Variants in HSD17B1 observed in about 807,000 individuals in gnomAD.
HSD17B1 encodes hydroxysteroid 17-beta dehydrogenase 1, also known as 17-beta-hydroxysteroid dehydrogenase type 1.
In HSD17B1, 16 loss-of-function variants were observed where a neutral mutation model predicts 22.7. That is an observed-to-expected ratio of 0.71 (90% CI 0.48 to 1.07). HSD17B1 has a LOEUF of 1.07. HSD17B1 is among the 50% of genes least tolerant of loss of function. The pLI is 0.00. For missense variants in HSD17B1, 533 were observed against 459.9 expected (o/e 1.16, Z -1.45); for synonymous variants, 243 against 211.0 (o/e 1.15, Z -1.31).
Position 42,554,998 on chromosome 17 carries a change from T to C in HSD17B1, c.*60T>C, listed in dbSNP as rs2092958775. 2.1e-6 allele frequency: 3 copies of C among 1,412,744 alleles called. No individual in the cohort carries two copies. The highest frequency in any genetic ancestry group is 2.8e-6 in the Non-Finnish European group (3 of 1,090,400). 87.5% of individuals were successfully genotyped at this position (1,412,744 alleles called of 1,614,324 possible). On this transcript the variant is annotated 3_prime_UTR_variant, in exon 6 of 6. Coordinates refer to ENST00000585807, the MANE Select transcript of HSD17B1 (RefSeq NM_000413.4). Reference sequence around the variant, plus strand: ...TTGTCCCCTGGGTCTGTGTGGTCCCTGGGGATGGGGCGGCGGTAGCAGCTG... The same window carrying C: ...TTGTCCCCTGGGTCTGTGTGGTCCCCGGGGATGGGGCGGCGGTAGCAGCTG...
At position 42,553,492 on chromosome 17, in the gene HSD17B1, G is replaced by C; in HGVS notation, c.319G>C (p.Ala107Pro). The change falls in exon 3 of 6, where the codon GCC becomes CCC. Residue 107 changes from alanine to proline, a missense_variant. Ala to Pro is a conservative substitution (Grantham distance 27). Transcript: ENST00000585807. The part of the protein sequence containing the change: ...LGPLEALGED[A>P]VASVLDVNVV... ...GCCGCTGGAGGCGCTGGGGGAGGAC[G>C]CCGTGGCCTCTGTGCTGGACGTGAA... The C allele has an allele frequency of 6.2e-7, 1 of 1,613,822 alleles. No individual in the cohort carries two copies. The highest frequency in any genetic ancestry group is 8.5e-7 in the Non-Finnish European group (1 of 1,179,906).
chr17:42,555,084 G>A lies in HSD17B1; in HGVS notation c.*146G>A. The stretch of plus-strand genomic sequence containing the variant: ...TTTACCAGCGCAGCTAGGCGCGATG[G>A]CTGTCGCCTGTAATGCCAGCGCTTT... On this transcript the variant is annotated 3_prime_UTR_variant, in exon 6 of 6. Transcript: ENST00000585807. The A allele has an allele frequency of 1.2e-5, 16 of 1,366,960 alleles. 1 individual carries two copies. The highest frequency in any genetic ancestry group is 1.4e-5 in the Non-Finnish European group (15 of 1,064,692). The allele number at this position is 1,366,960 out of a possible 1,614,324, so 84.7% of individuals were successfully genotyped here. A position where few individuals can be genotyped will look rare whatever the true frequency, so the allele number is the denominator to read the frequency against.
chr17:42,553,333 C>T (rs774006992), intron 2 of HSD17B1, 42 bp downstream of exon 2: 17 of 1,602,076 alleles, frequency 1.1e-5, no homozygotes, highest in South Asian at 5.5e-5. Context: ...GAGCCTTCTC[C>T]GCCCTGCGTT....
In HSD17B1 at chr17:42,553,295, A is replaced by AG; in HGVS notation, c.265+5dup. The AG allele has an allele frequency of 6.2e-7, 1 of 1,606,570 alleles. No individual in the cohort carries two copies. Among genetic ancestry groups the AG allele is most frequent in the Non-Finnish European group, 8.5e-7 (1 of 1,179,744 alleles). ...GAGGGCCGCGTGGACGTGCTGGGTG[A>AG]GCCTCCTGGAAGCATATGGGCTCCT... On this transcript the variant is annotated splice_donor_region_variant and intron_variant, in intron 2 of 5. Coordinates refer to ENST00000585807, the MANE Select transcript of HSD17B1 (RefSeq NM_000413.4).
At position 42,553,275 on chromosome 17, in the gene HSD17B1, C is replaced by T; in HGVS notation, c.249C>T (p.Gly83=). 1 of 1,609,330 alleles carries T rather than the reference C, an allele frequency of 6.2e-7. No homozygotes were observed. The highest frequency in any genetic ancestry group is 8.5e-7 in the Non-Finnish European group (1 of 1,179,882). Residue 83 remains glycine, a synonymous_variant, in exon 2 of 6, where the codon GGC becomes GGT. Transcript: ENST00000585807. The part of the protein sequence containing the change: ...VAAARERVTE[G]RVDVLVCNAG... ...CTGCCCGGGAACGCGTGACTGAGGG[C>T]CGCGTGGACGTGCTGGGTGAGCCTC...
Position 42,554,324 on chromosome 17 carries a change from G to A in HSD17B1, c.540-81G>A. The A allele has an allele frequency of 2.0e-6, 3 of 1,470,362 alleles. No homozygotes were observed. The South Asian group carries it at 4.0e-5, about 19-fold the overall frequency. The allele number at this position is 1,470,362 out of a possible 1,614,324, so 91.1% of individuals were successfully genotyped here. ...CGCGGTCGGGGGCCGGGACGTGGTT[G>A]GGGCTGGGACTGGGGTTGGGGCTGG... On this transcript the variant is annotated intron_variant, in intron 4 of 5. Coordinates refer to ENST00000585807, the MANE Select transcript of HSD17B1 (RefSeq NM_000413.4).
Position 42,554,891 on chromosome 17 carries a change from G to A in HSD17B1, c.940G>A (p.Ala314Thr). 6.5e-7 allele frequency: 1 copy of A among 1,535,780 alleles called. No homozygotes were observed. The highest frequency in any genetic ancestry group is 8.7e-7 in the Non-Finnish European group (1 of 1,149,470). Residue 314 changes from alanine to threonine, a missense_variant, in exon 6 of 6, where the codon GCG becomes ACG. Transcript: ENST00000585807. ...GGCAGAGGACGAGGCCGGGCGCGGT[G>A]CGGTGGGGGACCCTGAGCTCGGCGA... ...PGAEDEAGRG[A>T]VGDPELGDPP...
chr17:42,553,498 G>T lies in HSD17B1; in HGVS notation c.325G>T (p.Ala109Ser). ...GGAGGCGCTGGGGGAGGACGCCGTGGCCTCTGTGCTGGACGTGAATGTAGT... is the reference window on the plus strand; with the variant it reads ...GGAGGCGCTGGGGGAGGACGCCGTGTCCTCTGTGCTGGACGTGAATGTAGT... ...PLEALGEDAV[A>S]SVLDVNVVGT... Residue 109 changes from alanine to serine, a missense_variant, in exon 3 of 6, where the codon GCC becomes TCC. By Grantham distance (99) the Ala-to-Ser change is moderately conservative (BLOSUM62 1). Transcript: ENST00000585807. The T allele has an allele frequency of 6.2e-7, 1 of 1,613,942 alleles. No homozygotes were observed. The highest frequency in any genetic ancestry group is 8.5e-7 in the Non-Finnish European group (1 of 1,179,940).
Position 42,554,833 on chromosome 17 carries a change from TGGGGCCGAGGCTGGGGGC to T in HSD17B1, c.890_907del (p.Glu297_Ala302del). 6.3e-7 allele frequency: 1 copy of T among 1,595,314 alleles called. No individual in the cohort carries two copies. The highest frequency in any genetic ancestry group is 2.2e-5 in the East Asian group (1 of 44,724). Reference sequence around the variant, plus strand: ...GCGACGTTCCGGCAAAGGCCGAGGCTGGGGCCGAGGCTGGGGGCGGGGCCGGGCCTGGGGCAGAGGACG... The same window carrying T: ...GCGACGTTCCGGCAAAGGCCGAGGCTGGGGCCGGGCCTGGGGCAGAGGACG... On this transcript the variant is annotated inframe_deletion, in exon 6 of 6. Coordinates refer to ENST00000585807, the MANE Select transcript of HSD17B1 (RefSeq NM_000413.4).
At position 42,553,399 on chromosome 17, in the gene HSD17B1, T is replaced by G. The variant is rs971399247; in HGVS notation, c.266-40T>G. ...ACGAGGGGACAGGCCGTGCTGAGGG[T>G]GATGCTGAGGCGGGCTGGTCGGGCC... On this transcript the variant is annotated intron_variant, in intron 2 of 5. Coordinates refer to ENST00000585807, the MANE Select transcript of HSD17B1 (RefSeq NM_000413.4). The G allele has an allele frequency of 2.5e-6, 4 of 1,607,858 alleles. No individual in the cohort carries two copies. The African/African-American group carries it at 5.3e-5, about 21-fold the overall frequency.
In HSD17B1 at chr17:42,553,741, C is replaced by T. The variant is rs911886629; in HGVS notation, c.446-53C>T. The T allele has an allele frequency of 3.8e-6, 6 of 1,593,934 alleles. No homozygotes were observed. The South Asian group carries it at 6.7e-5, about 18-fold the overall frequency. ...TCAGCTTGGAGGGGCACCGTCTGCC[C>T]GGGGATGACCCCCTGGCCGCTGCGC... On this transcript the variant is annotated intron_variant, in intron 3 of 5. Transcript: ENST00000585807.
At chr17:42,553,639 T>A (rs1235808771) in intron 3 of HSD17B1, 21 bp downstream of exon 3, 4 of 1,599,222 alleles carry the variant, frequency 2.5e-6, no homozygotes, top group Middle Eastern at 4.4e-4. Context: ...GGGAGTGGCC[T>A]CGGCAGCTCC....
rs1336191687 is a variant in HSD17B1 at position 42,553,268 on chromosome 17, C to T, written c.242C>T (p.Thr81Ile). Residue 81 changes from threonine to isoleucine, a missense_variant, in exon 2 of 6, where the codon ACT becomes ATT. Coordinates refer to ENST00000585807, the MANE Select transcript of HSD17B1 (RefSeq NM_000413.4). ...GTGGCCGCTGCCCGGGAACGCGTGACTGAGGGCCGCGTGGACGTGCTGGGT... is the reference window on the plus strand; with the variant it reads ...GTGGCCGCTGCCCGGGAACGCGTGATTGAGGGCCGCGTGGACGTGCTGGGT... ...KSVAAARERV[T>I]EGRVDVLVCN... The T allele has an allele frequency of 2.8e-5, 45 of 1,610,256 alleles. No individual in the cohort carries two copies. Among genetic ancestry groups the T allele is most frequent in the Non-Finnish European group, 3.7e-5 (44 of 1,179,942 alleles).
chr17:42,554,177 CA>C (rs1167542700), intron 4 of HSD17B1: 1 of 692,066 alleles, frequency 1.4e-6, no homozygotes, highest in Non-Finnish European at 2.4e-6. Context: ...ATCCTGACAC[CA>C]GGGCTCCCTT....
At chr17:42,553,698 G>C in intron 3 of HSD17B1, 80 bp downstream of exon 3, 3 of 1,594,218 alleles carry the variant, frequency 1.9e-6, no homozygotes, top group Admixed American at 3.4e-5. Context: ...TCCGCGGGGG[G>C]GGTGGAGTGG....
rs2092949140 is a variant in HSD17B1, at chr17:42,553,173, G to A, written c.147G>A (p.Ala49=). The A allele has an allele frequency of 5.0e-6, 8 of 1,613,626 alleles. No individual in the cohort carries two copies. Among genetic ancestry groups the A allele is most frequent in the Non-Finnish European group, 6.8e-6 (8 of 1,179,954 alleles). ...AAACACAGGGCCGGCTGTGGGAGGC[G>A]GCCCGGGCCCTGGCATGCCCTCCGG... is the stretch of plus-strand genomic sequence containing the variant. The part of the protein sequence containing the change: ...DLKTQGRLWE[A]ARALACPPGS... The change falls in exon 2 of 6, where the codon GCG becomes GCA. Residue 49 remains alanine (A), a synonymous_variant. Coordinates refer to ENST00000585807, the MANE Select transcript of HSD17B1 (RefSeq NM_000413.4).
In HSD17B1 at chr17:42,553,482, G is replaced by A. The variant is rs1156956000; in HGVS notation, c.309G>A (p.Leu103=). Residue 103 remains leucine, a synonymous_variant, in exon 3 of 6, where the codon CTG becomes CTA. Coordinates refer to ENST00000585807, the MANE Select transcript of HSD17B1 (RefSeq NM_000413.4). ...GLGLLGPLEA[L]GEDAVASVLD... is the part of the protein sequence containing the mutation. ...GCCTGCTGGGGCCGCTGGAGGCGCTGGGGGAGGACGCCGTGGCCTCTGTGC... is the reference window on the plus strand; with the variant it reads ...GCCTGCTGGGGCCGCTGGAGGCGCTAGGGGAGGACGCCGTGGCCTCTGTGC... 3.1e-6 allele frequency: 5 copies of A among 1,613,574 alleles called. No homozygotes were observed. In the East Asian group the frequency reaches 1.1e-4, roughly 36 times the overall value.
Position 42,553,601 on chromosome 17 carries a change from G to T in HSD17B1, c.428G>T (p.Ser143Ile). 6.2e-7 allele frequency: 1 copy of T among 1,608,918 alleles called. No homozygotes were observed. The highest frequency in any genetic ancestry group is 8.5e-7 in the Non-Finnish European group (1 of 1,177,700). ...RGSGRVLVTGSVGGLMGLPFN... is the reference protein window; with the variant it reads ...RGSGRVLVTGIVGGLMGLPFN... The stretch of plus-strand genomic sequence containing the variant: ...TCGGGACGCGTGTTGGTGACCGGGA[G>T]CGTGGGAGGATTGATGGGTGAGTGG... Residue 143 changes from serine to isoleucine, a missense_variant, in exon 3 of 6, where the codon AGC (serine) becomes ATC (isoleucine). Transcript: ENST00000585807.
chr17:42,553,770 A>G (rs1201781209), intron 3 of HSD17B1, 24 bp from the exon 4 acceptor site: 12 of 1,610,536 alleles, frequency 7.5e-6, no homozygotes, highest in Non-Finnish European at 1.0e-5. Context: ...GCTGCGCCTC[A>G]GGAACCTCGT....
Sources: gnomAD v4.1 joint callset for allele counts on GRCh38, gnomAD v4.1.1 for gene constraint, MANE v1.5 for transcripts, NCBI Gene and HGNC (gene_info 2026-07-23, HGNC 2026-07-21) for gene names.